BAZ1B: variants seen among roughly 807,000 people sequenced by gnomAD.
BAZ1B encodes the protein tyrosine-protein kinase BAZ1B.
BAZ1B carries 22 observed loss-of-function variants against 153.8 expected under a neutral mutation model. The observed-to-expected ratio is 0.14, with a 90% CI of 0.10 to 0.20. BAZ1B has a LOEUF of 0.20. Ranked by LOEUF, BAZ1B falls within the 10% of genes least tolerant of loss-of-function variation. The probability of loss-of-function intolerance (pLI) is 1.00; values close to 1 mark genes in which losing one functional copy is unlikely to be tolerated. For missense variants in BAZ1B, 1,325 were observed against 1,799.3 expected (o/e 0.74, Z 4.77); for synonymous variants, 676 against 633.4 (o/e 1.07, Z -1.01).
chr7:73,462,977 C>T lies in BAZ1B; in HGVS notation c.3194G>A (p.Arg1065Lys). The change falls in exon 12 of 20, where the codon AGG becomes AAG. Residue 1065 changes from arginine (R) to lysine (K), a missense_variant. Physicochemically the swap from Arg to Lys is conservative, Grantham distance 26 (BLOSUM62 2). This residue lies in a region of BAZ1B where 431 missense variants were observed against 563.5 expected (regional missense o/e 0.76). Transcript: ENST00000339594. ...LRSDLIEVATRLQKGGLGYVE... is the reference protein window; with the variant it reads ...LRSDLIEVATKLQKGGLGYVE... ...ATATCCAAGTCCTCCTTTTTGTAAC[C>T]TTGTTGCAACTTCAATGAGATCACT... The T allele has an allele frequency of 6.2e-7, 1 of 1,613,988 alleles. No homozygotes were observed. Among genetic ancestry groups the T allele is most frequent in the Non-Finnish European group, 8.5e-7 (1 of 1,179,972 alleles).
Position 73,462,915 on chromosome 7 carries a change from T to C in BAZ1B, c.3249+7A>G. ...GTAATCTAAGGGGGATTTTCTTATA[T>C]TCCTACCCGGGCTTCAAATTCTGAT... is the stretch of plus-strand genomic sequence containing the variant. On this transcript the variant is annotated splice_region_variant and intron_variant, in intron 12 of 19. Transcript: ENST00000339594. 6.2e-7 allele frequency: 1 copy of C among 1,613,880 alleles called. No individual in the cohort carries two copies. Among genetic ancestry groups the C allele is most frequent in the Non-Finnish European group, 8.5e-7 (1 of 1,179,804 alleles).
chr7:73,457,742 G>T (rs564097017), intron 13 of BAZ1B, among the ~76,000 whole-genome samples: 6 of 152,076 alleles, frequency 3.9e-5, no homozygotes, highest in African/African-American at 1.5e-4. Flanking sequence ...AAGACCAGAT[G>T]ATTAGAAGAC....
chr7:73,503,644 G>T (rs1362577525), intron 3 of BAZ1B, among the ~76,000 whole-genome samples: 2 of 152,122 alleles, frequency 1.3e-5, no homozygotes, highest in Non-Finnish European at 2.9e-5. Flanking sequence ...CAAAGTACTG[G>T]GATTACAGGC....
intron 6 of BAZ1B, among the ~76,000 whole-genome samples, chr7:73,486,606 G>A (rs1583924276): frequency 6.6e-6 from 1 of 151,682 alleles, no homozygotes; most frequent in African/African-American, 2.4e-5. Context: ...GATTACAGGC[G>A]TGAGCCACTG....
chr7:73,465,318 G>C, intron 11 of BAZ1B, 121 bp downstream of exon 11: 1 of 607,304 alleles, frequency 1.6e-6, no homozygotes, highest in Non-Finnish European at 2.7e-6. Flanking sequence ...AACACAAAAC[G>C]GTTACACATT....
chr7:73,493,635 G>A (rs1789744753), intron 4 of BAZ1B, among the ~76,000 whole-genome samples: 1 of 151,874 alleles, frequency 6.6e-6, no homozygotes, highest in Admixed American at 6.6e-5. Flanking sequence ...GAGTCCAGGA[G>A]TTCGAGACCA....
chr7:73,473,390 T>C (rs1268472195), intron 7 of BAZ1B, among the ~76,000 whole-genome samples: 1 of 152,038 alleles, frequency 6.6e-6, no homozygotes, highest in African/African-American at 2.4e-5. Context: ...CCATCTCTAC[T>C]AAAAATACAA....
intron 13 of BAZ1B, among the ~76,000 whole-genome samples, chr7:73,454,924 C>T (rs782393871): frequency 6.6e-5 from 10 of 151,950 alleles, no homozygotes; most frequent in Admixed American, 3.9e-4. Flanking sequence ...GGTGCGATCT[C>T]GGCTCACTGC....
At chr7:73,453,536 C>A (rs1429910100) in intron 13 of BAZ1B, among the ~76,000 whole-genome samples, 2 of 152,236 alleles carry the variant, frequency 1.3e-5, no homozygotes, top group Non-Finnish European at 2.9e-5. Flanking sequence ...AAGAAAGAGA[C>A]TCTTCTGTAT....
intron 4 of BAZ1B, among the ~76,000 whole-genome samples, chr7:73,495,422 T>C (rs1049467357): frequency 8.5e-5 from 13 of 152,126 alleles, no homozygotes; most frequent in Admixed American, 7.9e-4. Flanking sequence ...GAATAGCATA[T>C]AACATTACAC....
intron 5 of BAZ1B, among the ~76,000 whole-genome samples, chr7:73,492,057 A>G (rs1789669784): frequency 6.7e-6 from 1 of 149,396 alleles, no homozygotes; most frequent in Non-Finnish European, 1.5e-5. Flanking sequence ...CAGGGGCGCA[A>G]TCTCAACTCA....
At chr7:73,507,505 G>A (rs782124519) in intron 3 of BAZ1B, among the ~76,000 whole-genome samples, 2 of 151,926 alleles carry the variant, frequency 1.3e-5, no homozygotes, top group African/African-American at 2.4e-5. Flanking sequence ...CCAAGATCGC[G>A]AAACTGCACT....
chr7:73,459,748 A>T (rs1788329265), intron 12 of BAZ1B, 30 bp from the exon 13 acceptor site: 1 of 1,556,924 alleles, frequency 6.4e-7, no homozygotes, highest in Non-Finnish European at 8.7e-7. Flanking sequence ...AACCAGACTG[A>T]GAAAAGGCCC....
At chr7:73,488,712 C>T (rs1789517602) in intron 6 of BAZ1B, among the ~76,000 whole-genome samples, 1 of 138,188 alleles carries the variant, frequency 7.2e-6, no homozygotes, top group South Asian at 2.3e-4. Context: ...GAGACTCCAA[C>T]TCAAAAAAAA....
intron 9 of BAZ1B, among the ~76,000 whole-genome samples, chr7:73,468,135 G>A (rs1554571458): frequency 6.6e-6 from 1 of 152,186 alleles, no homozygotes; most frequent in African/African-American, 2.4e-5. Flanking sequence ...TACTCAGGAA[G>A]CAACTTCTTT....
chr7:73,463,593 A>G (rs1378097502), intron 11 of BAZ1B, among the ~76,000 whole-genome samples: 1 of 152,078 alleles, frequency 6.6e-6, no homozygotes, highest in African/African-American at 2.4e-5. Flanking sequence ...TTAGTGAACA[A>G]AACAGGTCTT....
At chr7:73,442,136 T>TACCCCC in intron 19 of BAZ1B, 45 bp downstream of exon 19, 1 of 573,492 alleles carries the variant, frequency 1.7e-6, no homozygotes. Flanking sequence ...CTCGCTCGCC[T>TACCCCC]CCCTCCCACC....
intron 19 of BAZ1B, 98 bp downstream of exon 19, chr7:73,442,083 C>CAG: frequency 1.2e-6 from 1 of 835,840 alleles, no homozygotes; most frequent in Non-Finnish European, 1.9e-6. Context: ...GGATGACAGG[C>CAG]GTTTCTGGAC....
intron 19 of BAZ1B, 45 bp downstream of exon 19, chr7:73,442,136 T>TTCCCA: frequency 1.7e-6 from 1 of 573,492 alleles, no homozygotes. Flanking sequence ...CTCGCTCGCC[T>TTCCCA]CCCTCCCACC....
Sources: gnomAD v4.1 joint callset for allele counts (sites outside exome capture counted in the v4.1 genomes callset) on GRCh38, gnomAD v4.1.1 for gene constraint, gnomAD v4.1.1 regional missense constraint, MANE v1.5 for transcripts, NCBI Gene and HGNC (gene_info 2026-07-23, HGNC 2026-07-21) for gene names.